PFKFB1: variants seen among roughly 807,000 people sequenced by gnomAD.
PFKFB1 encodes the protein 6-phosphofructo-2-kinase/fructose-2,6-biphosphatase 1.
PFKFB1 carries 34 observed loss-of-function variants against 46.4 expected under a neutral mutation model. The observed-to-expected ratio is 0.73, with a 90% CI of 0.56 to 0.98. PFKFB1 has a LOEUF of 0.98. PFKFB1 is among the 50% of genes least tolerant of loss of function. The pLI is 0.00. For synonymous variants in PFKFB1, 119 were observed against 133.8 expected (o/e 0.89, Z 0.76); for missense variants, 393 against 376.3 (o/e 1.04, Z -0.37).
rs753753406 is a variant in PFKFB1, at chrX:54,962,193, C to G, written c.223+1064G>C. Among the ~76,000 whole-genome samples the G allele has an allele frequency of 3.6e-5, 4 of 111,552 alleles. No homozygotes were observed. The South Asian group carries it at 1.5e-3, about 42-fold the overall frequency. ...AAGGCAGAAACCCGTCTGCCAGTGT[C>G]CCATGTGCCTCTACACTCAGCAGAT... On this transcript the variant is annotated intron_variant, in intron 2 of 13. Coordinates refer to ENST00000375006, the MANE Select transcript of PFKFB1 (RefSeq NM_002625.4).
At chrX:54,961,399 A>T (rs1934311748) in intron 2 of PFKFB1, among the ~76,000 whole-genome samples, 1 of 111,273 alleles carries the variant, frequency 9.0e-6, no homozygotes, top group South Asian at 3.8e-4. Context: ...GTCCAAAGTT[A>T]TTTTATTTTT....
Position 54,994,030 on chromosome X carries a change from A to G in PFKFB1, c.-23T>C, listed in dbSNP as rs1398453525. On this transcript the variant is annotated 5_prime_UTR_variant, in exon 1 of 14. An upstream start codon of the reference 5' UTR is lost. Coordinates refer to ENST00000375006, the MANE Select transcript of PFKFB1 (RefSeq NM_002625.4). The stretch of plus-strand genomic sequence containing the variant: ...CATCTTAGGAGTCGCACCGAATGAC[A>G]TCACTGCCCACAAGGTACCTGGCCT... 1 of 1,188,135 alleles carries G rather than the reference A, an allele frequency of 8.4e-7. No individual in the cohort carries two copies. Among genetic ancestry groups the G allele is most frequent in the South Asian group, 1.9e-5 (1 of 53,698 alleles).
chrX:54,985,796 TTA>T (rs1217308764), intron 1 of PFKFB1, among the ~76,000 whole-genome samples: 3 of 109,820 alleles, frequency 2.7e-5, no homozygotes, highest in South Asian at 3.8e-4. Context: ...AGTAAAATTT[TTA>T]TATCTCATTG....
chrX:54,995,163 GTATAACTCATAGAAC>G (rs1264319434), upstream of PFKFB1, among the ~76,000 whole-genome samples: 11 of 111,571 alleles, frequency 9.9e-5, no homozygotes, highest in East Asian at 2.8e-3. Flanking sequence ...GCTTTTATGT[GTATAACTCATAGAAC>G]TGCACAGCTT....
At chrX:54,946,549 C>A (rs778895400) in intron 9 of PFKFB1, among the ~76,000 whole-genome samples, 1 of 111,850 alleles carries the variant, frequency 8.9e-6, no homozygotes, top group South Asian at 3.7e-4. Flanking sequence ...TGAACCCCTA[C>A]CCCAACCCAC....
chrX:54,970,090 G>A (rs149481402), intron 1 of PFKFB1, among the ~76,000 whole-genome samples: 2,261 of 110,420 alleles, frequency 0.02, 29 homozygotes, highest in Middle Eastern at 0.042. Context: ...TGTATTTTTA[G>A]TAGAGATGGG....
At chrX:54,946,586 C>A (rs768941040) in intron 9 of PFKFB1, among the ~76,000 whole-genome samples, 39 of 111,690 alleles carry the variant, frequency 3.5e-4, no homozygotes, top group Non-Finnish European at 5.6e-4. Context: ...TGAAACTTCT[C>A]CAACCCACAC....
intron 10 of PFKFB1, among the ~76,000 whole-genome samples, chrX:54,940,498 G>A (rs908115830): frequency 2.7e-5 from 3 of 111,767 alleles, no homozygotes; most frequent in African/African-American, 6.5e-5. Context: ...AAACCCCATC[G>A]TCTCAGCGCA....
intron 2 of PFKFB1, among the ~76,000 whole-genome samples, chrX:54,962,811 T>A (rs1934356486): frequency 8.9e-6 from 1 of 112,227 alleles, no homozygotes; most frequent in Admixed American, 9.4e-5. Context: ...AGACCTGGGT[T>A]CATATCTTGG....
upstream of PFKFB1, chrX:54,994,624 C>T: frequency 8.0e-6 from 6 of 754,179 alleles, no homozygotes; most frequent in Non-Finnish European, 9.4e-6. Context: ...TTTGAGCTGG[C>T]AATTAGAGGC....
At chrX:54,963,128 G>A (rs1179974555) in intron 2 of PFKFB1, 129 bp downstream of exon 2, 16 of 581,673 alleles carry the variant, frequency 2.8e-5, no homozygotes, top group Non-Finnish European at 5.7e-6. Flanking sequence ...AGTGGTAGCA[G>A]TAGTCCTAAT....
At chrX:54,935,897 C>T (rs561527290) in intron 11 of PFKFB1, among the ~76,000 whole-genome samples, 4 of 111,523 alleles carry the variant, frequency 3.6e-5, no homozygotes, top group Admixed American at 1.9e-4. Flanking sequence ...GCAGGATCAC[C>T]GACCCTCATG....
At chrX:54,974,238 C>T (rs1239076977) in intron 1 of PFKFB1, among the ~76,000 whole-genome samples, 1 of 112,051 alleles carries the variant, frequency 8.9e-6, no homozygotes, top group Non-Finnish European at 1.9e-5. Context: ...CAGCATGGTA[C>T]TGGTATAAAA....
At chrX:54,937,766 G>A (rs763415864) in intron 10 of PFKFB1, 42 bp from the exon 11 acceptor site, 11 of 1,157,421 alleles carry the variant, frequency 9.5e-6, no homozygotes, top group East Asian at 3.0e-5. Flanking sequence ...GGAAGATGAG[G>A]CACATTTGCC....
At position 54,976,799 on chromosome X, in the gene PFKFB1, C is replaced by T. The variant is rs192115612; in HGVS notation, c.98-13417G>A. Among the ~76,000 whole-genome samples, 607 of 111,129 alleles carry T rather than the reference C, an allele frequency of 5.5e-3. 9 individuals carry two copies. Among genetic ancestry groups the T allele is most frequent in the Admixed American group, 0.053 (549 of 10,406 alleles). On this transcript the variant is annotated intron_variant, in intron 1 of 13. Coordinates refer to ENST00000375006, the MANE Select transcript of PFKFB1 (RefSeq NM_002625.4). ...GTGGTACAATCATAAACTAGAATAC[C>T]ATACGGCAATTAAGATAACTGTTGA...
At position 54,951,996 on chromosome X, in the gene PFKFB1, C is replaced by T. The variant is rs761648445; in HGVS notation, c.755G>A (p.Arg252His). The T allele has an allele frequency of 9.8e-5, 119 of 1,209,183 alleles. No individual in the cohort carries two copies. The highest frequency in any genetic ancestry group is 1.2e-4 in the Non-Finnish European group (111 of 894,420). ...GCCATGTCGGCAAAGGTAGATGGAGCGAGGTGTGACATGGATATTCATGAG... is the reference window on the plus strand; with the variant it reads ...GCCATGTCGGCAAAGGTAGATGGAGTGAGGTGTGACATGGATATTCATGAG... ...YYLMNIHVTPRSIYLCRHGES... is the reference protein window; with the variant it reads ...YYLMNIHVTPHSIYLCRHGES... Residue 252 changes from arginine (R) to histidine (H), a missense_variant, in exon 8 of 14, where the codon CGC becomes CAC. By Grantham distance (29) the Arg-to-His change is conservative (BLOSUM62 0). Coordinates refer to ENST00000375006, the MANE Select transcript of PFKFB1 (RefSeq NM_002625.4).
intron 2 of PFKFB1, among the ~76,000 whole-genome samples, chrX:54,962,189 G>A (rs1934333915): frequency 9.0e-6 from 1 of 111,624 alleles, no homozygotes; most frequent in Non-Finnish European, 1.9e-5. Flanking sequence ...CCGTCTGCCA[G>A]TGTCCCATGT....
intron 8 of PFKFB1, among the ~76,000 whole-genome samples, chrX:54,950,926 C>T (rs1239386582): frequency 8.9e-6 from 1 of 112,869 alleles, no homozygotes; most frequent in Non-Finnish European, 1.9e-5. Flanking sequence ...TGGCCGCCTG[C>T]CCTGGGGCTG....
intron 8 of PFKFB1, 21 bp downstream of exon 8, chrX:54,951,884 G>GGT: frequency 8.6e-7 from 1 of 1,167,242 alleles, no homozygotes; most frequent in Admixed American, 2.4e-5. Context: ...AACCCATCTG[G>GGT]GTGTGTGTGG....
Sources: allele counts gnomAD v4.1 joint callset (sites outside exome capture counted in the v4.1 genomes callset), GRCh38; gene constraint gnomAD v4.1.1; transcripts MANE v1.5; gene names NCBI Gene and HGNC (gene_info 2026-07-23, HGNC 2026-07-21).